The following KPNA3 variants were observed in gnomAD, a reference collection of about 807,000 sequenced individuals.
KPNA3 encodes importin subunit alpha-4.
A neutral mutation model predicts 73.8 loss-of-function variants in KPNA3; 13 were observed. The observed-to-expected ratio is 0.18, with a 90% CI of 0.11 to 0.28. The LOEUF (loss-of-function observed/expected upper bound fraction) is 0.28, where lower values mean the gene tolerates loss of function less well. KPNA3 is among the 10% of genes least tolerant of loss of function. KPNA3 has a pLI of 1.00. For synonymous variants in KPNA3, 186 were observed against 206.9 expected, an observed-to-expected ratio of 0.90 and a Z score of 0.87; for missense variants, 360 against 618.1, an observed-to-expected ratio of 0.58 and a Z score of 4.43.
chr13:49,775,481 G>A (rs1410702533), intron 1 of KPNA3, among the ~76,000 whole-genome samples: 1 of 152,074 alleles, frequency 6.6e-6, no homozygotes, highest in Non-Finnish European at 1.5e-5. Flanking sequence ...GACAAACTAG[G>A]GAGAAGTTCA....
At chr13:49,705,853 C>T in intron 14 of KPNA3, 70 bp from the exon 15 acceptor site, 10 of 1,345,988 alleles carry the variant, frequency 7.4e-6, no homozygotes, top group Non-Finnish European at 9.0e-6. Flanking sequence ...TGTCGTGCTA[C>T]ATGGAAGGCT....
chr13:49,712,845 C>G (rs1954272039), intron 10 of KPNA3, among the ~76,000 whole-genome samples: 1 of 146,984 alleles, frequency 6.8e-6, no homozygotes, highest in Non-Finnish European at 1.5e-5. Flanking sequence ...CCCCAAATAC[C>G]AAAAGAAAAT....
At chr13:49,734,962 G>GAGAGAGAGAGAGAGAGAC (rs1283175389) in intron 2 of KPNA3, among the ~76,000 whole-genome samples, 2 of 151,588 alleles carry the variant, frequency 1.3e-5, no homozygotes, top group Non-Finnish European at 2.9e-5. Context: ...GATAGAGAGA[G>GAGAGAGAGAGAGAGAGAC]AGAGAGAGAG....
chr13:49,788,705 G>C (rs1236061561), intron 1 of KPNA3, among the ~76,000 whole-genome samples: 1 of 143,032 alleles, frequency 7.0e-6, no homozygotes, highest in Non-Finnish European at 1.5e-5. Flanking sequence ...CTTGGCGACA[G>C]AGCCAGACCC....
intron 1 of KPNA3, among the ~76,000 whole-genome samples, chr13:49,789,998 T>TAA (rs141661349): frequency 0.092 from 14,049 of 152,238 alleles, 822 homozygotes; most frequent in South Asian, 0.25. Context: ...ATTGTTGTTC[T>TAA]GCATTGTAAT....
intron 2 of KPNA3, among the ~76,000 whole-genome samples, chr13:49,736,505 G>A (rs776699685): frequency 6.6e-6 from 1 of 151,994 alleles, no homozygotes; most frequent in African/African-American, 2.4e-5. Flanking sequence ...TTTGGTAACT[G>A]AAATTTTTAT....
At chr13:49,703,369 AC>A (rs1314992318) in intron 15 of KPNA3, among the ~76,000 whole-genome samples, 1 of 149,810 alleles carries the variant, frequency 6.7e-6, no homozygotes, top group African/African-American at 2.5e-5. Flanking sequence ...TTTAGTAGAG[AC>A]GGGGTTTCAC....
intron 1 of KPNA3, among the ~76,000 whole-genome samples, chr13:49,754,360 G>A (rs941471659): frequency 6.6e-6 from 1 of 151,942 alleles, no homozygotes; most frequent in Non-Finnish European, 1.5e-5. Flanking sequence ...ACTATTAACT[G>A]GTGAGAAAAG....
intron 2 of KPNA3, among the ~76,000 whole-genome samples, chr13:49,742,859 G>A (rs1004779325): frequency 3.9e-5 from 6 of 151,956 alleles, no homozygotes; most frequent in East Asian, 3.9e-4. Context: ...TGAGTAGCAC[G>A]GCCTATATCT....
intron 15 of KPNA3, among the ~76,000 whole-genome samples, chr13:49,704,319 A>G (rs1393990401): frequency 6.6e-6 from 1 of 151,880 alleles, no homozygotes; most frequent in Non-Finnish European, 1.5e-5. Flanking sequence ...GCTACTAGGG[A>G]GGCTGAGGTA....
chr13:49,723,442 C>T (rs1459027112), intron 7 of KPNA3, among the ~76,000 whole-genome samples: 5 of 151,650 alleles, frequency 3.3e-5, no homozygotes, highest in African/African-American at 7.3e-5. Context: ...TGGTGGTGGG[C>T]GCCTGTAATC....
intron 7 of KPNA3, 50 bp downstream of exon 7, chr13:49,725,366 C>G: frequency 9.6e-7 from 1 of 1,044,266 alleles, no homozygotes; most frequent in Non-Finnish European, 1.4e-6. Flanking sequence ...ACTCTACTTC[C>G]TTGCCATCAT....
intron 15 of KPNA3, among the ~76,000 whole-genome samples, chr13:49,704,441 ATAAAT>A (rs1363175561): frequency 3.4e-3 from 22 of 6,418 alleles, no homozygotes; most frequent in Non-Finnish European, 3.9e-3. Flanking sequence ...TAAAAAATAA[ATAAAT>A]AAATAAATAA....
intron 1 of KPNA3, among the ~76,000 whole-genome samples, chr13:49,784,698 A>T (rs1372783254): frequency 1.3e-5 from 2 of 152,188 alleles, no homozygotes; most frequent in Non-Finnish European, 2.9e-5. Context: ...CAGTAGGAAA[A>T]GGCACTAAAA....
intron 1 of KPNA3, among the ~76,000 whole-genome samples, chr13:49,782,018 T>C (rs1311039309): frequency 6.6e-6 from 1 of 152,202 alleles, no homozygotes; most frequent in Non-Finnish European, 1.5e-5. Context: ...TCTGTCAAGA[T>C]GAATCAATTA....
intron 1 of KPNA3, among the ~76,000 whole-genome samples, chr13:49,789,657 T>C (rs545837920): frequency 2.0e-5 from 3 of 152,324 alleles, no homozygotes; most frequent in East Asian, 1.9e-4. Flanking sequence ...GTTGTACTGT[T>C]TCTAATGGAC....
intron 1 of KPNA3, among the ~76,000 whole-genome samples, chr13:49,790,524 CA>C (rs2076114368): frequency 6.6e-6 from 1 of 152,216 alleles, no homozygotes; most frequent in Non-Finnish European, 1.5e-5. Flanking sequence ...ACTTGTTACA[CA>C]GATTAAATAA....
At chr13:49,765,924 C>T (rs555417957) in intron 1 of KPNA3, among the ~76,000 whole-genome samples, 90 of 152,202 alleles carry the variant, frequency 5.9e-4, no homozygotes, top group African/African-American at 2.0e-3. Flanking sequence ...ATTTTAAGCC[C>T]GGATCTCTCT....
intron 1 of KPNA3, among the ~76,000 whole-genome samples, chr13:49,787,529 CAG>C (rs1245635247): frequency 1.3e-5 from 2 of 152,126 alleles, no homozygotes; most frequent in African/African-American, 2.4e-5. Flanking sequence ...GTTTTTGAGA[CAG>C]AGTTTCACTC....
Sources: allele counts gnomAD v4.1 joint callset (sites outside exome capture counted in the v4.1 genomes callset), GRCh38; gene constraint gnomAD v4.1.1; transcripts MANE v1.5; gene names NCBI Gene and HGNC (gene_info 2026-07-23, HGNC 2026-07-21).